The following ARMH3 variants were observed in gnomAD, a reference collection of about 807,000 sequenced individuals.
ARMH3 encodes the protein armadillo like helical domain containing 3, also known as armadillo-like helical domain-containing protein 3.
In ARMH3, 60 loss-of-function variants were observed where a neutral mutation model predicts 99.1. That is an observed-to-expected ratio of 0.61 (90% CI 0.49 to 0.75). ARMH3 has a LOEUF of 0.75. Ranked by LOEUF, ARMH3 falls within the 30% of genes least tolerant of loss-of-function variation. The pLI is 0.00. For synonymous variants in ARMH3, 285 were observed against 292.8 expected (o/e 0.97, Z 0.27); for missense variants, 679 against 843.1 (o/e 0.81, Z 2.41).
rs1233253510 is a variant in ARMH3, at chr10:102,009,392, G to A, written c.936C>T (p.Phe312=). ...GACCAACCTGAGCTAATACTGTGAT[G>A]AAGTTGCGATTTAAATGAACAGCTT... The part of the protein sequence containing the change: ...LYEAVHLNRN[F]ITVLAQSHPE... The change falls in exon 13 of 26, where the codon TTC becomes TTT. Residue 312 remains phenylalanine (F), a synonymous_variant. Coordinates refer to ENST00000370033, the MANE Select transcript of ARMH3 (RefSeq NM_024541.3). 1.2e-6 allele frequency: 2 copies of A among 1,613,854 alleles called. No homozygotes were observed. The highest frequency in any genetic ancestry group is 2.2e-5 in the East Asian group (1 of 44,888).
chr10:101,978,931 C>T lies in ARMH3; in HGVS notation c.1407-3631G>A, dbSNP rs1846122425. Among the ~76,000 whole-genome samples the T allele has an allele frequency of 4.0e-5, 6 of 151,732 alleles. No individual in the cohort carries two copies. In the South Asian group the frequency reaches 1.2e-3, roughly 32 times the overall value. ...CTCCAGCCTGGGCAACAAAGCGAGA[C>T]ACCATCTCAAAAAATAAAATTAAAT... On this transcript the variant is annotated intron_variant, in intron 19 of 25. Coordinates refer to ENST00000370033, the MANE Select transcript of ARMH3 (RefSeq NM_024541.3).
intron 9 of ARMH3, among the ~76,000 whole-genome samples, chr10:102,013,188 A>C (rs1425263520): frequency 6.6e-6 from 1 of 152,264 alleles, no homozygotes; most frequent in Non-Finnish European, 1.5e-5. Context: ...AGATCCAGTT[A>C]GAATCTTCAA....
chr10:102,049,137 G>C (rs1249907861), intron 1 of ARMH3, among the ~76,000 whole-genome samples: 1 of 152,034 alleles, frequency 6.6e-6, no homozygotes, highest in Admixed American at 6.6e-5. Context: ...CAGTAGCATG[G>C]GACAGGTTCC....
chr10:102,039,666 T>A (rs186584283), intron 2 of ARMH3, among the ~76,000 whole-genome samples: 4 of 152,316 alleles, frequency 2.6e-5, no homozygotes, highest in African/African-American at 7.2e-5. Context: ...AGAAACTTCA[T>A]GAGACATCTA....
chr10:101,867,912 G>A lies in ARMH3; in HGVS notation c.1861-18020C>T, dbSNP rs2067041810. 2.0e-5 allele frequency among the ~76,000 whole-genome samples: 3 copies of A among 151,798 alleles called. No homozygotes were observed. The South Asian group carries it at 6.3e-4, about 32-fold the overall frequency. The stretch of plus-strand genomic sequence containing the variant: ...TCAGCACTTTGGGACGCTGAGGCAG[G>A]AGAATGGCTTGAGGTCAGGAGTTTG... On this transcript the variant is annotated intron_variant, in intron 24 of 25. Transcript: ENST00000370033.
intron 1 of ARMH3, among the ~76,000 whole-genome samples, chr10:102,051,112 C>T (rs2067692545): frequency 6.7e-6 from 1 of 149,972 alleles, no homozygotes; most frequent in Non-Finnish European, 1.5e-5. Flanking sequence ...AAAGATTGTG[C>T]CACTTGTACT....
intron 2 of ARMH3, among the ~76,000 whole-genome samples, chr10:102,034,799 T>C (rs2067210836): frequency 6.6e-6 from 1 of 151,878 alleles, no homozygotes; most frequent in Admixed American, 6.6e-5. Flanking sequence ...TCCCAGCTAC[T>C]CGGGAGGCTG....
intron 23 of ARMH3, among the ~76,000 whole-genome samples, chr10:101,910,235 C>T (rs191948106): frequency 1.3e-5 from 2 of 152,334 alleles, no homozygotes; most frequent in Admixed American, 1.3e-4. Flanking sequence ...TGACCTTCAT[C>T]CCGGAGATTT....
intron 19 of ARMH3, among the ~76,000 whole-genome samples, chr10:101,979,708 C>T (rs867528650): frequency 1.1e-4 from 17 of 152,168 alleles, no homozygotes; most frequent in Admixed American, 9.8e-4. Context: ...ACAGCTTTCA[C>T]GGCAATGTTC....
intron 23 of ARMH3, among the ~76,000 whole-genome samples, chr10:101,891,289 G>T (rs939928723): frequency 6.6e-6 from 1 of 151,784 alleles, no homozygotes; most frequent in African/African-American, 2.4e-5. Context: ...TCCACCTTCC[G>T]GGTTTAAGCA....
chr10:102,026,979 T>C (rs1222527817), intron 5 of ARMH3, among the ~76,000 whole-genome samples: 1 of 152,100 alleles, frequency 6.6e-6, no homozygotes, highest in Non-Finnish European at 1.5e-5. Flanking sequence ...CAACAAATAT[T>C]TGTCAAAAGA....
intron 9 of ARMH3, among the ~76,000 whole-genome samples, chr10:102,013,137 T>G (rs2066669188): frequency 6.6e-6 from 1 of 152,216 alleles, no homozygotes; most frequent in South Asian, 2.1e-4. Flanking sequence ...CAGCCCAGAT[T>G]GTTGACAATT....
At position 101,872,178 on chromosome 10, in the gene ARMH3, C is replaced by T. The variant is rs187301974; in HGVS notation, c.1860+17234G>A. ...TTTGAAAGACATCACTGAGAATATGCAAAGAAAAATGGCAAGCTACTGACT... is the reference window on the plus strand; with the variant it reads ...TTTGAAAGACATCACTGAGAATATGTAAAGAAAAATGGCAAGCTACTGACT... On this transcript the variant is annotated intron_variant, in intron 24 of 25. Coordinates refer to ENST00000370033, the MANE Select transcript of ARMH3 (RefSeq NM_024541.3). Among the ~76,000 whole-genome samples, 7 of 149,678 alleles carry T rather than the reference C, an allele frequency of 4.7e-5. No individual in the cohort carries two copies. In the Admixed American group the frequency reaches 4.7e-4, roughly 10 times the overall value.
At chr10:101,980,111 G>T (rs1369198803) in intron 19 of ARMH3, among the ~76,000 whole-genome samples, 3 of 152,090 alleles carry the variant, frequency 2.0e-5, no homozygotes, top group Admixed American at 1.3e-4. Context: ...AAACCAAAAG[G>T]TTTAGAAGAA....
At chr10:102,017,680 T>C (rs1259842673) in intron 8 of ARMH3, among the ~76,000 whole-genome samples, 1 of 152,174 alleles carries the variant, frequency 6.6e-6, no homozygotes, top group African/African-American at 2.4e-5. Flanking sequence ...GAGATCAAAA[T>C]GGCTACCATG....
intron 8 of ARMH3, 77 bp from the exon 9 acceptor site, chr10:102,014,101 CA>C: frequency 8.3e-7 from 1 of 1,199,998 alleles, no homozygotes; most frequent in Non-Finnish European, 1.2e-6. Flanking sequence ...AAAGTGTTAA[CA>C]AAAATGCTTC....
chr10:101,849,994 A>C (rs2066551839), intron 24 of ARMH3, 102 bp from the exon 25 acceptor site: 2 of 918,720 alleles, frequency 2.2e-6, no homozygotes, highest in South Asian at 1.6e-5. Context: ...CTGTGACAAC[A>C]CCCCCAAGAA....
intron 22 of ARMH3, among the ~76,000 whole-genome samples, chr10:101,954,197 A>G (rs1260829470): frequency 6.6e-6 from 1 of 152,218 alleles, no homozygotes; most frequent in African/African-American, 2.4e-5. Context: ...GTCTCAAGAA[A>G]GAACAAAAAC....
At chr10:101,903,164 T>C (rs1232648763) in intron 23 of ARMH3, among the ~76,000 whole-genome samples, 2 of 152,258 alleles carry the variant, frequency 1.3e-5, no homozygotes, top group Non-Finnish European at 2.9e-5. Flanking sequence ...AGAACTTCTA[T>C]ATTTTCTCCT....
Sources: gnomAD v4.1 joint callset for allele counts (sites outside exome capture counted in the v4.1 genomes callset) on GRCh38, gnomAD v4.1.1 for gene constraint, MANE v1.5 for transcripts, NCBI Gene and HGNC (gene_info 2026-07-23, HGNC 2026-07-21) for gene names.